NRCAM: variants seen among roughly 807,000 people sequenced by gnomAD.
NRCAM encodes the protein NgCAM-related cell adhesion molecule.
Under a neutral mutation model 156.5 loss-of-function variants are expected in NRCAM, and 83 were observed. The ratio of observed to expected loss-of-function variants is 0.53; its 90% CI spans 0.44 to 0.64. The LOEUF (loss-of-function observed/expected upper bound fraction) is 0.64, where lower values mean the gene tolerates loss of function less well. Among genes scored for constraint, NRCAM ranks in the 30% least tolerant of loss-of-function variants. The probability of loss-of-function intolerance (pLI) is 0.00; values close to 1 mark genes in which losing one functional copy is unlikely to be tolerated. For missense variants in NRCAM, 1,417 were observed against 1,597.3 expected (o/e 0.89, Z 1.92); for synonymous variants, 538 against 563.9 (o/e 0.95, Z 0.65).
Position 108,312,715 on chromosome 7 carries a change from G to A in NRCAM, c.-157C>T, listed in dbSNP as rs928773341. On this transcript the variant is annotated 5_prime_UTR_variant, in exon 3 of 33. In the 5' UTR this introduces an upstream ATG that the reference lacks. Coordinates refer to ENST00000379028, the MANE Select transcript of NRCAM (RefSeq NM_001037132.4). The stretch of plus-strand genomic sequence containing the variant: ...TTCCTTTTAATTCTTTAAACCAAAC[G>A]TCTTCTTAGCATTGCTCTGTGGGTT... 4 of 152,074 alleles carry A rather than the reference G, an allele frequency of 2.6e-5. No homozygotes were observed. The highest frequency in any genetic ancestry group is 9.7e-5 in the African/African-American group (4 of 41,424). The allele number at this position is 152,074 out of a possible 1,614,324, so 9.4% of individuals were successfully genotyped here. A position where few individuals can be genotyped will look rare whatever the true frequency, so the allele number is the denominator to read the frequency against.
chr7:108,203,060 A>G (rs2079042788), intron 13 of NRCAM, among the ~76,000 whole-genome samples: 1 of 152,176 alleles, frequency 6.6e-6, no homozygotes, highest in Admixed American at 6.5e-5. Context: ...AAGGAACTCA[A>G]AAACACCCCC....
chr7:108,310,381 T>C (rs1362573938), intron 3 of NRCAM, among the ~76,000 whole-genome samples: 4 of 152,184 alleles, frequency 2.6e-5, no homozygotes, highest in African/African-American at 9.7e-5. Flanking sequence ...AGAAGACAGA[T>C]TTCCCAGGGA....
At chr7:108,359,419 GAT>G (rs1216181450) in intron 2 of NRCAM, among the ~76,000 whole-genome samples, 3 of 152,198 alleles carry the variant, frequency 2.0e-5, no homozygotes. Context: ...GGTGACCTCT[GAT>G]ATGATACTTG....
intron 32 of NRCAM, among the ~76,000 whole-genome samples, chr7:108,155,401 T>C (rs2044708814): frequency 6.6e-6 from 1 of 151,984 alleles, no homozygotes; most frequent in Admixed American, 6.6e-5. Flanking sequence ...ATACAAGTAT[T>C]GATACAATAT....
chr7:108,248,184 C>T (rs1448308868), intron 3 of NRCAM, among the ~76,000 whole-genome samples: 1 of 152,072 alleles, frequency 6.6e-6, no homozygotes, highest in East Asian at 1.9e-4. Context: ...AAAGGCCCTT[C>T]AGGATATTGA....
chr7:108,409,846 C>G (rs959864869), intron 1 of NRCAM, among the ~76,000 whole-genome samples: 1 of 152,184 alleles, frequency 6.6e-6, no homozygotes, highest in African/African-American at 2.4e-5. Flanking sequence ...TGAAGGACAT[C>G]TAGATTCTAA....
chr7:108,435,296 G>A (rs901490158), intron 1 of NRCAM, among the ~76,000 whole-genome samples: 6 of 152,128 alleles, frequency 3.9e-5, no homozygotes, highest in Non-Finnish European at 5.9e-5. Context: ...TAGCAAATTT[G>A]AGAAGGCAGA....
At chr7:108,277,446 T>C (rs2097680537) in intron 3 of NRCAM, among the ~76,000 whole-genome samples, 2 of 152,158 alleles carry the variant, frequency 1.3e-5, no homozygotes. Context: ...TTTCACTCTT[T>C]TTTCTCTAAT....
At chr7:108,297,770 C>T (rs1434758133) in intron 3 of NRCAM, among the ~76,000 whole-genome samples, 1 of 152,172 alleles carries the variant, frequency 6.6e-6, no homozygotes, top group Non-Finnish European at 1.5e-5. Context: ...GGGGTTCCAA[C>T]ATGTCAATGT....
At chr7:108,345,437 G>A (rs536542666) in intron 2 of NRCAM, among the ~76,000 whole-genome samples, 161 of 152,264 alleles carry the variant, frequency 1.1e-3, no homozygotes, top group East Asian at 1.5e-3. Context: ...GTGTTTATAA[G>A]AGCAACTTCT....
intron 1 of NRCAM, among the ~76,000 whole-genome samples, chr7:108,401,757 G>A (rs561832604): frequency 6.6e-6 from 1 of 152,250 alleles, no homozygotes; most frequent in East Asian, 1.9e-4. Flanking sequence ...TTTTAACAAA[G>A]CTACTCTCTC....
intron 2 of NRCAM, among the ~76,000 whole-genome samples, chr7:108,394,778 G>A (rs542194015): frequency 6.6e-6 from 1 of 152,120 alleles, no homozygotes; most frequent in African/African-American, 2.4e-5. Flanking sequence ...CCTGTTAGTA[G>A]TTCTGCATCC....
At chr7:108,417,371 CAGA>C (rs1802875584) in intron 1 of NRCAM, among the ~76,000 whole-genome samples, 2 of 152,134 alleles carry the variant, frequency 1.3e-5, no homozygotes, top group Admixed American at 1.3e-4. Context: ...TGGCAAAAGG[CAGA>C]AGGACAAGAG....
chr7:108,178,773 T>A (rs907232062), intron 25 of NRCAM, among the ~76,000 whole-genome samples: 1 of 152,156 alleles, frequency 6.6e-6, no homozygotes, highest in Non-Finnish European at 1.5e-5. Flanking sequence ...CTCATGAGGA[T>A]GATGGCTGGT....
intron 3 of NRCAM, among the ~76,000 whole-genome samples, chr7:108,295,213 C>G (rs1176985827): frequency 6.6e-6 from 1 of 152,136 alleles, no homozygotes; most frequent in African/African-American, 2.4e-5. Flanking sequence ...ACAGAGGGCT[C>G]GCTCTGTACT....
intron 28 of NRCAM, 82 bp from the exon 29 acceptor site, chr7:108,168,484 G>T: frequency 8.3e-7 from 1 of 1,199,980 alleles, no homozygotes. Flanking sequence ...TAAATACTCT[G>T]AAATTGTGCA....
chr7:108,385,738 T>C (rs1041384174), intron 2 of NRCAM, among the ~76,000 whole-genome samples: 2 of 152,138 alleles, frequency 1.3e-5, no homozygotes, highest in African/African-American at 4.8e-5. Flanking sequence ...TGAAGAATTT[T>C]TAGCTTGGCA....
chr7:108,347,031 T>TG (rs2099360644), intron 2 of NRCAM, among the ~76,000 whole-genome samples: 4 of 118,804 alleles, frequency 3.4e-5, no homozygotes, highest in East Asian at 4.9e-4. Flanking sequence ...ATTATATTTC[T>TG]GTTTTTTTTT....
At chr7:108,219,917 GT>G (rs2091513927) in intron 11 of NRCAM, among the ~76,000 whole-genome samples, 1 of 152,118 alleles carries the variant, frequency 6.6e-6, no homozygotes, top group Non-Finnish European at 1.5e-5. Context: ...AACTGTCACT[GT>G]TTGCTGATGA....
Sources: gnomAD v4.1 joint callset for allele counts (sites outside exome capture counted in the v4.1 genomes callset) on GRCh38, gnomAD v4.1.1 for gene constraint, MANE v1.5 for transcripts, NCBI Gene and HGNC (gene_info 2026-07-23, HGNC 2026-07-21) for gene names.